Variants in UNC13C observed in about 807,000 individuals in gnomAD.
The protein encoded by UNC13C is unc-13 homolog C.
A neutral mutation model predicts 245.4 loss-of-function variants in UNC13C; 174 were observed. The ratio of observed to expected loss-of-function variants is 0.71; its 90% confidence interval spans 0.63 to 0.80. The LOEUF is 0.80. Among genes scored for constraint, UNC13C ranks in the 30% least tolerant of loss-of-function variants. The pLI, the probability that UNC13C is intolerant of heterozygous loss-of-function variation, is 0.00. For missense variants in UNC13C, 2,829 were observed against 2,602.9 expected, an observed-to-expected ratio of 1.09 and a Z score of -1.89; for synonymous variants, 992 against 895.1, an observed-to-expected ratio of 1.11 and a Z score of -1.93.
intron 12 of UNC13C, among the ~76,000 whole-genome samples, chr15:54,299,299 A>C (rs1220300385): frequency 6.6e-6 from 1 of 152,158 alleles, no homozygotes; most frequent in African/African-American, 2.4e-5. Flanking sequence ...TTAGAAGCAA[A>C]AAGGAATTGA....
At chr15:54,552,563 A>AT (rs1896829148) in intron 28 of UNC13C, among the ~76,000 whole-genome samples, 1 of 89,498 alleles carries the variant, frequency 1.1e-5, no homozygotes, top group African/African-American at 4.8e-5. Context: ...ATATAATTAT[A>AT]TATTATATAT....
At chr15:54,084,361 T>A (rs1899122265) in intron 2 of UNC13C, among the ~76,000 whole-genome samples, 1 of 152,230 alleles carries the variant, frequency 6.6e-6, no homozygotes, top group Non-Finnish European at 1.5e-5. Context: ...TTGTGTTTTG[T>A]GAGTATATGA....
chr15:53,870,953 G>A, the UNC13C span, among the ~76,000 whole-genome samples: 2 of 151,952 alleles, frequency 1.3e-5, no homozygotes, highest in South Asian at 2.1e-4. Context: ...TAGTGTTGGA[G>A]CCATCCTACA....
Position 54,322,024 on chromosome 15 carries a change from T to C in UNC13C, c.4354T>C (p.Tyr1452His), listed in dbSNP as rs527644180. 52 of 1,590,772 alleles carry C rather than the reference T, an allele frequency of 3.3e-5. 1 individual carries two copies. In the South Asian group the frequency reaches 5.8e-4, roughly 18 times the overall value. ...STLLANINAFYAHTTVSTNIQ... is the reference protein window; with the variant it reads ...STLLANINAFHAHTTVSTNIQ... The stretch of plus-strand genomic sequence containing the variant: ...CTTGCTGGCTAATATAAATGCTTTT[T>C]ATGCTCACACAACAGTTTCAACAAA... The change falls in exon 14 of 33, where the codon TAT becomes CAT. Residue 1452 changes from tyrosine (Y) to histidine (H), a missense_variant. Physicochemically the swap from Tyr to His is moderately conservative, Grantham distance 83. Coordinates refer to ENST00000260323, the MANE Select transcript of UNC13C (RefSeq NM_001080534.3).
intron 13 of UNC13C, among the ~76,000 whole-genome samples, chr15:54,305,675 A>G (rs897973503): frequency 2.6e-5 from 4 of 152,076 alleles, no homozygotes; most frequent in African/African-American, 9.7e-5. Flanking sequence ...CTAGAACGCA[A>G]CATTTGAAGC....
chr15:54,482,434 G>A (rs1442051854), intron 19 of UNC13C, among the ~76,000 whole-genome samples: 3 of 152,150 alleles, frequency 2.0e-5, no homozygotes, highest in Admixed American at 1.3e-4. Context: ...GAGAGCCAAA[G>A]GGTTCTCCTG....
At chr15:54,365,112 C>T (rs2039334156) in intron 17 of UNC13C, among the ~76,000 whole-genome samples, 1 of 152,068 alleles carries the variant, frequency 6.6e-6, no homozygotes, top group African/African-American at 2.4e-5. Flanking sequence ...TGCAAAGCTG[C>T]AAACCCAGCC....
intron 2 of UNC13C, among the ~76,000 whole-genome samples, chr15:54,073,866 G>A (rs1898456287): frequency 6.6e-6 from 1 of 152,156 alleles, no homozygotes; most frequent in Non-Finnish European, 1.5e-5. Context: ...TTGCTGTGCA[G>A]AAGCTCTTTC....
chr15:54,566,176 C>T (rs1028000633), intron 29 of UNC13C, among the ~76,000 whole-genome samples: 1 of 151,920 alleles, frequency 6.6e-6, no homozygotes, highest in African/African-American at 2.4e-5. Flanking sequence ...AGAGAGCACC[C>T]CACCACCCTT....
chr15:53,997,444 T>C (rs1476458887), intron 1 of UNC13C, among the ~76,000 whole-genome samples: 3 of 152,176 alleles, frequency 2.0e-5, no homozygotes, highest in Non-Finnish European at 2.9e-5. Context: ...TTATATTTAG[T>C]GCTTATTTAT....
At chr15:54,332,165 T>C in intron 15 of UNC13C, 54 bp downstream of exon 15, 1 of 1,264,606 alleles carries the variant, frequency 7.9e-7, no homozygotes, top group East Asian at 2.6e-5. Context: ...CTAGAGAATT[T>C]CTTGCCATAT....
chr15:54,060,807 T>A (rs890936696), intron 2 of UNC13C, among the ~76,000 whole-genome samples: 12 of 152,184 alleles, frequency 7.9e-5, no homozygotes, highest in Non-Finnish European at 1.5e-4. Flanking sequence ...GATGAGTTCA[T>A]GTCCTTTGTA....
In UNC13C at chr15:54,049,426, T is replaced by C. The variant is rs180887919; in HGVS notation, c.2983+33540T>C. 192 of 492,552 alleles carry C rather than the reference T, an allele frequency of 3.9e-4. 1 individual carries two copies. The Middle Eastern group carries it at 4.2e-3, about 11-fold the overall frequency. 30.5% of individuals were successfully genotyped at this position (492,552 alleles called of 1,614,324 possible). A position where few individuals can be genotyped will look rare whatever the true frequency, so the allele number is the denominator to read the frequency against. On this transcript the variant is annotated intron_variant, in intron 2 of 32. Coordinates refer to ENST00000260323, the MANE Select transcript of UNC13C (RefSeq NM_001080534.3). The stretch of plus-strand genomic sequence containing the variant: ...ATCAAATATAATTGGTGTATTCCAG[T>C]TCTTTGTGGAGACCACATAACATTG...
At chr15:54,132,354 G>A (rs2031485005) in intron 2 of UNC13C, among the ~76,000 whole-genome samples, 1 of 152,156 alleles carries the variant, frequency 6.6e-6, no homozygotes. Context: ...ACAGGCATGA[G>A]CCACCGTGCC....
intron 13 of UNC13C, among the ~76,000 whole-genome samples, chr15:54,307,663 G>A (rs552718363): frequency 5.9e-5 from 9 of 152,002 alleles, no homozygotes; most frequent in African/African-American, 1.7e-4. Context: ...AGAGGAAGCC[G>A]ATGGGCAGCC....
At chr15:54,168,978 G>T (rs1317275981) in intron 4 of UNC13C, among the ~76,000 whole-genome samples, 1 of 152,090 alleles carries the variant, frequency 6.6e-6, no homozygotes, top group Non-Finnish European at 1.5e-5. Context: ...ATTTCAATTT[G>T]ATCACCTATC....
chr15:54,561,234 C>T (rs937265688), intron 29 of UNC13C, among the ~76,000 whole-genome samples: 7 of 151,884 alleles, frequency 4.6e-5, no homozygotes, highest in African/African-American at 9.7e-5. Context: ...TCATTCTCTC[C>T]GGGAGTTTCT....
rs1007409736 is a variant in UNC13C at position 54,306,845 on chromosome 15, A to G, written c.4268+6472A>G. 3.3e-5 allele frequency among the ~76,000 whole-genome samples: 5 copies of G among 151,988 alleles called. 1 individual carries two copies. The highest frequency in any genetic ancestry group is 6.3e-3 in the Middle Eastern group (2 of 316). Reference sequence around the variant, plus strand: ...GGCACTGACCATCTTTATCTAATTTATATTTAAATCAGAACTGTTTGGATA... The same window carrying G: ...GGCACTGACCATCTTTATCTAATTTGTATTTAAATCAGAACTGTTTGGATA... On this transcript the variant is annotated intron_variant, in intron 13 of 32. Transcript: ENST00000260323.
intron 2 of UNC13C, chr15:54,048,454 GATA>G: frequency 1.7e-6 from 1 of 605,664 alleles, no homozygotes; most frequent in Non-Finnish European, 3.2e-6. Context: ...TGGATTGCTT[GATA>G]ATGAGGCCAG....
Sources: gnomAD v4.1 joint callset for allele counts (sites outside exome capture counted in the v4.1 genomes callset) on GRCh38, gnomAD v4.1.1 for gene constraint, MANE v1.5 for transcripts, NCBI Gene and HGNC (gene_info 2026-07-23, HGNC 2026-07-21) for gene names.